Variants in DMD observed in about 807,000 individuals in gnomAD.
DMD encodes the protein dystrophin, also known as mutant dystrophin.
Under a neutral mutation model 330.1 loss-of-function variants are expected in DMD, and 63 were observed. That is an observed-to-expected ratio of 0.19 (90% CI 0.16 to 0.24). DMD has a LOEUF of 0.24. Among genes scored for constraint, DMD ranks in the 10% least tolerant of loss-of-function variants. The pLI is 1.00. For missense variants in DMD, 3,344 were observed against 2,684.1 expected, an observed-to-expected ratio of 1.25 and a Z score of -5.43; for synonymous variants, 1,223 against 959.8, an observed-to-expected ratio of 1.27 and a Z score of -5.07.
At chrX:32,054,116 AGAGAGAGAGAGAGAGAGAG>A (rs2096142610) in intron 44 of DMD, among the ~76,000 whole-genome samples, 1 of 106,047 alleles carries the variant, frequency 9.4e-6, no homozygotes, top group Non-Finnish European at 1.9e-5. Context: ...AGAGAGAGAG[AGAGAGAGAGAGAGAGAGAG>A]AAGAGGACTG....
At chrX:31,568,916 G>A (rs2075609413) in intron 55 of DMD, among the ~76,000 whole-genome samples, 1 of 110,451 alleles carries the variant, frequency 9.1e-6, no homozygotes, top group African/African-American at 3.3e-5. Flanking sequence ...TTTTCTTAAC[G>A]TATCACTTTG....
chrX:32,025,622 C>A (rs2095840982), intron 44 of DMD, among the ~76,000 whole-genome samples: 1 of 112,477 alleles, frequency 8.9e-6, no homozygotes, highest in Non-Finnish European at 1.9e-5. Flanking sequence ...TTTGGGAACA[C>A]TTTTCCTTTC....
intron 62 of DMD, among the ~76,000 whole-genome samples, chrX:31,308,039 A>C (rs1274493006): frequency 9.0e-6 from 1 of 111,538 alleles, no homozygotes; most frequent in African/African-American, 3.3e-5. Context: ...CATAGTTCAC[A>C]ATAGGGCTTG....
At chrX:32,081,276 T>C (rs1184193443) in intron 44 of DMD, among the ~76,000 whole-genome samples, 2 of 112,327 alleles carry the variant, frequency 1.8e-5, no homozygotes, top group Admixed American at 9.4e-5. Flanking sequence ...TGCACACTGC[T>C]TGTGTTGCAT....
At chrX:32,712,564 G>A (rs1015783810) in intron 7 of DMD, among the ~76,000 whole-genome samples, 2 of 111,380 alleles carry the variant, frequency 1.8e-5, no homozygotes, top group Admixed American at 9.6e-5. Flanking sequence ...TTTGTACTAT[G>A]CATTTATTTA....
intron 44 of DMD, among the ~76,000 whole-genome samples, chrX:31,997,970 A>C (rs1401813101): frequency 9.0e-6 from 1 of 111,658 alleles, no homozygotes; most frequent in Admixed American, 9.5e-5. Context: ...TCATCTAATT[A>C]ATGTTCACAC....
intron 7 of DMD, among the ~76,000 whole-genome samples, chrX:32,795,539 A>G (rs1265083731): frequency 8.9e-6 from 1 of 112,012 alleles, no homozygotes; most frequent in African/African-American, 3.2e-5. Context: ...GAAAACAGAC[A>G]GGACCTTGGT....
At chrX:32,651,919 C>G (rs2060185321) in intron 9 of DMD, among the ~76,000 whole-genome samples, 1 of 111,837 alleles carries the variant, frequency 8.9e-6, no homozygotes, top group African/African-American at 3.3e-5. Context: ...GAACTCTGCG[C>G]CTTCTGTTAA....
At chrX:31,839,221 A>G (rs1197984946) in intron 48 of DMD, among the ~76,000 whole-genome samples, 1 of 111,966 alleles carries the variant, frequency 8.9e-6, no homozygotes, top group Non-Finnish European at 1.9e-5. Flanking sequence ...AAAACACATC[A>G]CAATTAATCA....
chrX:32,664,404 G>A (rs1385939328), intron 9 of DMD, among the ~76,000 whole-genome samples: 1 of 109,716 alleles, frequency 9.1e-6, no homozygotes, highest in Non-Finnish European at 1.9e-5. Context: ...ACCACGGCCG[G>A]CAAATTTTTT....
intron 55 of DMD, among the ~76,000 whole-genome samples, chrX:31,552,978 T>C (rs2074580126): frequency 9.0e-6 from 1 of 111,485 alleles, no homozygotes; most frequent in Admixed American, 9.6e-5. Flanking sequence ...CGCACAGAAG[T>C]CTCCTGAAAA....
chrX:32,214,612 G>T (rs745329583), intron 44 of DMD, among the ~76,000 whole-genome samples: 110 of 111,457 alleles, frequency 9.9e-4, no homozygotes, highest in African/African-American at 3.4e-3. Context: ...ATCATTCACA[G>T]GACATCAGAG....
intron 43 of DMD, among the ~76,000 whole-genome samples, chrX:32,217,750 C>A (rs1335736338): frequency 9.0e-6 from 1 of 110,684 alleles, no homozygotes; most frequent in African/African-American, 3.3e-5. Flanking sequence ...CACACTGTAC[C>A]CCATAAATAC....
chrX:32,063,013 A>G (rs1009617296), intron 44 of DMD, among the ~76,000 whole-genome samples: 2 of 111,274 alleles, frequency 1.8e-5, no homozygotes, highest in Non-Finnish European at 3.8e-5. Context: ...GCTTGAGATA[A>G]TGTTTTAATA....
At chrX:32,972,863 G>A (rs1209853969) in intron 2 of DMD, among the ~76,000 whole-genome samples, 1 of 111,833 alleles carries the variant, frequency 8.9e-6, no homozygotes, top group Non-Finnish European at 1.9e-5. Context: ...CATAGTAGCT[G>A]TTTTATCATT....
intron 47 of DMD, among the ~76,000 whole-genome samples, chrX:31,894,751 T>C (rs999321760): frequency 2.7e-5 from 3 of 111,720 alleles, no homozygotes; most frequent in Non-Finnish European, 5.6e-5. Context: ...GATGAAACTT[T>C]TTACACAGTA....
chrX:32,169,852 G>A (rs1225251151), intron 44 of DMD, among the ~76,000 whole-genome samples: 3 of 108,381 alleles, frequency 2.8e-5, no homozygotes, highest in Admixed American at 2.0e-4. Flanking sequence ...ATTTCATTTC[G>A]ACTTATCTTT....
Position 32,837,426 on chromosome X carries a change from T to C in DMD, c.264+7357A>G, listed in dbSNP as rs111960104. ...TTTGAAACTAACAGCATTCTTTAGA[T>C]ACCTAGGGGCTCAGTTCACAGTTGT... is the stretch of plus-strand genomic sequence containing the variant. On this transcript the variant is annotated intron_variant, in intron 4 of 78. Coordinates refer to ENST00000357033, the MANE Select transcript of DMD (RefSeq NM_004006.3). Among the ~76,000 whole-genome samples the C allele has an allele frequency of 6.5e-3, 726 of 111,506 alleles. 4 individuals are homozygous for C. Among genetic ancestry groups the C allele is most frequent in the African/African-American group, 0.022 (670 of 30,671 alleles).
chrX:31,879,965 C>G lies in DMD; in HGVS notation c.6913-4592G>C, dbSNP rs527566720. Among the ~76,000 whole-genome samples, 46 of 111,889 alleles carry G rather than the reference C, an allele frequency of 4.1e-4. No individual in the cohort carries two copies. In the South Asian group the frequency reaches 0.016, roughly 40 times the overall value. On this transcript the variant is annotated intron_variant, in intron 47 of 78. Coordinates refer to ENST00000357033, the MANE Select transcript of DMD (RefSeq NM_004006.3). ...AACCATGCTCTTCATATAACATGTT[C>G]CCTGTGGTGAAAGAAAACAAACACA... is the stretch of plus-strand genomic sequence containing the variant.
Sources: gnomAD v4.1 joint callset for allele counts (sites outside exome capture counted in the v4.1 genomes callset) on GRCh38, gnomAD v4.1.1 for gene constraint, MANE v1.5 for transcripts, NCBI Gene and HGNC (gene_info 2026-07-23, HGNC 2026-07-21) for gene names.